Variants in TMEM151B observed in about 807,000 individuals in gnomAD.
TMEM151B encodes transmembrane protein 193.
TMEM151B carries 18 observed loss-of-function variants against 33.0 expected under a neutral mutation model. The observed-to-expected ratio is 0.55, with a 90% confidence interval of 0.38 to 0.81. The LOEUF (loss-of-function observed/expected upper bound fraction) is 0.81. Among genes scored for constraint, TMEM151B ranks in the 30% least tolerant of loss-of-function variants. The pLI is 0.00. For missense variants in TMEM151B, 672 were observed against 843.4 expected (o/e 0.80, Z 2.52); for synonymous variants, 354 against 373.6 (o/e 0.95, Z 0.61).
rs1038407720 is a variant in TMEM151B at position 44,273,509 on chromosome 6, G to A, written c.576+3G>A. 3 of 1,537,132 alleles carry A rather than the reference G, an allele frequency of 2.0e-6. No homozygotes were observed. The highest frequency in any genetic ancestry group is 1.7e-4 in the Middle Eastern group (1 of 5,956). On this transcript the variant is annotated splice_donor_region_variant and intron_variant, in intron 2 of 2. Transcript: ENST00000451188. ...GAGACGCCTATACCACCACCCAGGTGAGGAGCTGGTGGGGAGTGCAGGACA... is the reference window on the plus strand; with the variant it reads ...GAGACGCCTATACCACCACCCAGGTAAGGAGCTGGTGGGGAGTGCAGGACA...
Position 44,275,914 on chromosome 6 carries a change from C to G in TMEM151B, c.1088C>G (p.Pro363Arg). ...ELLPPLTHRL[P>R]RVNTVDSTEL... ...CTGCCCCCGCTCACCCACCGCCTGC[C>G]GCGGGTCAACACAGTAGACAGCACG... Residue 363 changes from proline to arginine, a missense_variant, in exon 3 of 3, where the codon CCG becomes CGG. This residue lies in a region of TMEM151B where 324 missense variants were observed against 363.1 expected (regional missense o/e 0.89). Transcript: ENST00000451188. 1 of 1,527,708 alleles carries G rather than the reference C, an allele frequency of 6.5e-7. No individual in the cohort carries two copies. The highest frequency in any genetic ancestry group is 8.8e-7 in the Non-Finnish European group (1 of 1,136,338). The allele number at this position is 1,527,708 out of a possible 1,614,324, so 94.6% of individuals were successfully genotyped here. A position where few individuals can be genotyped will look rare whatever the true frequency, so the allele number is the denominator to read the frequency against.
At chr6:44,271,368 TGG>T (rs1554142820) in intron 1 of TMEM151B, among the ~76,000 whole-genome samples, 1 of 57,480 alleles carries the variant, frequency 1.7e-5, no homozygotes, top group Non-Finnish European at 3.2e-5. Context: ...TGTGTGTGTG[TGG>T]GGGGGGGTGT....
At chr6:44,275,178 GC>G (rs1782527933) in intron 2 of TMEM151B, among the ~76,000 whole-genome samples, 1 of 152,026 alleles carries the variant, frequency 6.6e-6, no homozygotes, top group Admixed American at 6.5e-5. Context: ...CACAGGTAGG[GC>G]TGGTTCTAGT....
Position 44,275,807 on chromosome 6 carries a change from C to T in TMEM151B, c.981C>T (p.Tyr327=). 1 of 1,543,544 alleles carries T rather than the reference C, an allele frequency of 6.5e-7. No homozygotes were observed. The highest frequency in any genetic ancestry group is 8.7e-7 in the Non-Finnish European group (1 of 1,145,796). Residue 327 remains tyrosine (Y), a synonymous_variant, in exon 3 of 3, where the codon TAC becomes TAT. Transcript: ENST00000451188. The part of the protein sequence containing the change: ...LAEYRTAYAH[Y]HVEKLFGLEG... ...AGTACCGCACGGCCTACGCGCACTA[C>T]CACGTGGAGAAGCTATTTGGCCTGG...
chr6:44,275,668 G>C lies in TMEM151B; in HGVS notation c.842G>C (p.Arg281Pro). Residue 281 changes from arginine (R) to proline (P), a missense_variant, in exon 3 of 3, where the codon CGT (arginine) becomes CCT (proline). Around this residue, in one of 3 missense-constraint regions of TMEM151B, gnomAD observed 285 missense variants for 423.1 expected, o/e 0.67. Transcript: ENST00000451188. ...EGMHLKNVDF[R>P]EFMVAFPDPA... is the part of the protein sequence containing the mutation. The stretch of plus-strand genomic sequence containing the variant: ...ATGCACCTCAAGAACGTGGACTTCC[G>C]TGAGTTCATGGTGGCCTTCCCGGAC... 1 of 1,551,190 alleles carries C rather than the reference G, an allele frequency of 6.4e-7. No homozygotes were observed. Among genetic ancestry groups the C allele is most frequent in the South Asian group, 1.2e-5 (1 of 84,066 alleles).
At position 44,276,368 on chromosome 6, in the gene TMEM151B, G is replaced by C. The variant is rs750690352; in HGVS notation, c.1542G>C (p.Gly514=). The C allele has an allele frequency of 6.6e-7, 1 of 1,512,412 alleles. No individual in the cohort carries two copies. 93.7% of individuals were successfully genotyped at this position (1,512,412 alleles called of 1,614,324 possible). Residue 514 remains glycine, a synonymous_variant, in exon 3 of 3, where the codon GGG becomes GGC. Coordinates refer to ENST00000451188, the MANE Select transcript of TMEM151B (RefSeq NM_001137560.2). ...QTRLSSQASM[G]DDEDDDEEEA... ...GGCTGTCCAGCCAGGCCAGCATGGG[G>C]GACGACGAGGACGACGACGAGGAGG...
chr6:44,273,550 G>T, intron 2 of TMEM151B, 44 bp downstream of exon 2: 1 of 1,497,928 alleles, frequency 6.7e-7, no homozygotes, highest in Non-Finnish European at 9.0e-7. Context: ...CATGGGAGGT[G>T]GCACTTACGT....
Position 44,276,122 on chromosome 6 carries a change from C to A in TMEM151B, c.1296C>A (p.Ser432Arg). Residue 432 changes from serine (S) to arginine (R), a missense_variant, in exon 3 of 3, where the codon AGC becomes AGA. Transcript: ENST00000451188. Reference protein sequence around the residue: ...GAAGVAPYRRSCEHCQRAVSS... With the variant: ...GAAGVAPYRRRCEHCQRAVSS... ...CGGGCGTGGCTCCCTACCGGCGCAG[C>A]TGCGAGCACTGCCAGCGCGCCGTCA... is the stretch of plus-strand genomic sequence containing the variant. 7.6e-7 allele frequency: 1 copy of A among 1,321,282 alleles called. No homozygotes were observed. The highest frequency in any genetic ancestry group is 9.6e-7 in the Non-Finnish European group (1 of 1,044,074). 81.8% of individuals were successfully genotyped at this position (1,321,282 alleles called of 1,614,324 possible).
chr6:44,278,071 T>G lies in TMEM151B; in HGVS notation c.*1544T>G, dbSNP rs904645936. 2 of 154,640 alleles carry G rather than the reference T, an allele frequency of 1.3e-5. No homozygotes were observed. Among genetic ancestry groups the G allele is most frequent in the Non-Finnish European group, 2.9e-5 (2 of 68,858 alleles). The allele number at this position is 154,640 out of a possible 1,614,324, so 9.6% of individuals were successfully genotyped here. ...TCGCCTGAGCCATCAGAACTCCTCCTTACCCTCCTTCAGCCCCTCTCATCT... is the reference window on the plus strand; with the variant it reads ...TCGCCTGAGCCATCAGAACTCCTCCGTACCCTCCTTCAGCCCCTCTCATCT... On this transcript the variant is annotated 3_prime_UTR_variant, in exon 3 of 3. Coordinates refer to ENST00000451188, the MANE Select transcript of TMEM151B (RefSeq NM_001137560.2).
At position 44,270,684 on chromosome 6, in the gene TMEM151B, GCCCCCGGCCCCTGGCAGC is replaced by G; in HGVS notation, c.-51_-34del. 1 of 431,522 alleles carries G rather than the reference GCCCCCGGCCCCTGGCAGC, an allele frequency of 2.3e-6. No homozygotes were observed. The highest frequency in any genetic ancestry group is 3.3e-6 in the Non-Finnish European group (1 of 298,742). 26.7% of individuals were successfully genotyped at this position (431,522 alleles called of 1,614,324 possible). On this transcript the variant is annotated 5_prime_UTR_variant, in exon 1 of 3. Transcript: ENST00000451188. Reference sequence around the variant, plus strand: ...CCTCTCCCCAGGGCCCGCGCAGGATGCCCCCGGCCCCTGGCAGCCCCCCGGGAGGTCCTGAGCTCGACG... The same window carrying G: ...CCTCTCCCCAGGGCCCGCGCAGGATGCCCCCGGGAGGTCCTGAGCTCGACG...
chr6:44,276,556 C>A lies in TMEM151B; in HGVS notation c.*29C>A, dbSNP rs919702366. ...CCGGCCCCGGAGTGGCCCGCGCCGT[C>A]CTCCCGCCTGCCCCTCGCCGGACTG... is the stretch of plus-strand genomic sequence containing the variant. On this transcript the variant is annotated 3_prime_UTR_variant, in exon 3 of 3. Transcript: ENST00000451188. 3.8e-6 allele frequency: 5 copies of A among 1,330,586 alleles called. No individual in the cohort carries two copies. The African/African-American group carries it at 7.6e-5, about 20-fold the overall frequency. The allele number at this position is 1,330,586 out of a possible 1,614,324, so 82.4% of individuals were successfully genotyped here. A position where few individuals can be genotyped will look rare whatever the true frequency, so the allele number is the denominator to read the frequency against.
chr6:44,275,609 G>T lies in TMEM151B; in HGVS notation c.783G>T (p.Glu261Asp). The change falls in exon 3 of 3, where the codon GAG becomes GAT. Residue 261 changes from glutamate to aspartate, a missense_variant. Physicochemically the swap from Glu to Asp is conservative, Grantham distance 45. This residue lies in a region of TMEM151B where 285 missense variants were observed against 423.1 expected (regional missense o/e 0.67). Transcript: ENST00000451188. ...CQRARFFAEN[E>D]GLDDYMEARE... ...GCGCGCGCTTCTTCGCAGAGAACGA[G>T]GGCCTAGACGACTACATGGAGGCAC... The T allele has an allele frequency of 6.4e-7, 1 of 1,551,206 alleles. No individual in the cohort carries two copies. Among genetic ancestry groups the T allele is most frequent in the Non-Finnish European group, 8.7e-7 (1 of 1,146,748 alleles).
intron 2 of TMEM151B, among the ~76,000 whole-genome samples, chr6:44,274,154 G>C (rs747932975): frequency 1.4e-4 from 21 of 152,034 alleles, no homozygotes; most frequent in Admixed American, 7.9e-4. Flanking sequence ...AGTTGAGGCT[G>C]TAGTGAGCTG....
chr6:44,272,760 G>C (rs1782417168), intron 1 of TMEM151B, among the ~76,000 whole-genome samples: 1 of 152,092 alleles, frequency 6.6e-6, no homozygotes, highest in Non-Finnish European at 1.5e-5. Context: ...TGTGTTTGCT[G>C]CCTGGGCCTC....
Position 44,273,502 on chromosome 6 carries a change from C to T in TMEM151B, c.572C>T (p.Thr191Ile), listed in dbSNP as rs1782447362. The T allele has an allele frequency of 6.5e-7, 1 of 1,539,348 alleles. No homozygotes were observed. Among genetic ancestry groups the T allele is most frequent in the Non-Finnish European group, 8.8e-7 (1 of 1,138,036 alleles). The stretch of plus-strand genomic sequence containing the variant: ...CGCAATGGAGACGCCTATACCACCA[C>T]CCAGGTGAGGAGCTGGTGGGGAGTG... ...RYRNGDAYTT[T>I]QVYHERVNTH... Residue 191 changes from threonine (T) to isoleucine (I), a missense_variant, in exon 2 of 3, where the codon ACC becomes ATC. Physicochemically the swap from Thr to Ile is moderately conservative, Grantham distance 89. This residue lies in a region of TMEM151B where 285 missense variants were observed against 423.1 expected (regional missense o/e 0.67). Coordinates refer to ENST00000451188, the MANE Select transcript of TMEM151B (RefSeq NM_001137560.2).
Position 44,276,299 on chromosome 6 carries a change from C to T in TMEM151B, c.1473C>T (p.Arg491=). 1.4e-6 allele frequency: 2 copies of T among 1,430,484 alleles called. No homozygotes were observed. Among genetic ancestry groups the T allele is most frequent in the Non-Finnish European group, 1.8e-6 (2 of 1,091,342 alleles). The allele number at this position is 1,430,484 out of a possible 1,614,324, so 88.6% of individuals were successfully genotyped here. A position where few individuals can be genotyped will look rare whatever the true frequency, so the allele number is the denominator to read the frequency against. Residue 491 remains arginine (R), a synonymous_variant, in exon 3 of 3, where the codon CGC becomes CGT. Coordinates refer to ENST00000451188, the MANE Select transcript of TMEM151B (RefSeq NM_001137560.2). ...GSRRSCLWRS[R]SGSVNEASCP... ...GGCGCAGCTGCCTGTGGCGCAGCCGCAGCGGGAGCGTCAACGAGGCCAGCT... is the reference window on the plus strand; with the variant it reads ...GGCGCAGCTGCCTGTGGCGCAGCCGTAGCGGGAGCGTCAACGAGGCCAGCT...
intron 1 of TMEM151B, among the ~76,000 whole-genome samples, chr6:44,272,122 C>T (rs2153337105): frequency 6.6e-6 from 1 of 152,224 alleles, no homozygotes; most frequent in Non-Finnish European, 1.5e-5. Context: ...TGGGCCAACC[C>T]TGGGACAGAA....
At position 44,276,467 on chromosome 6, in the gene TMEM151B, T is replaced by C; in HGVS notation, c.1641T>C (p.Cys547=). The C allele has an allele frequency of 6.8e-7, 1 of 1,476,670 alleles. No homozygotes were observed. Among genetic ancestry groups the C allele is most frequent in the Non-Finnish European group, 9.0e-7 (1 of 1,114,348 alleles). 91.5% of individuals were successfully genotyped at this position (1,476,670 alleles called of 1,614,324 possible). A position where few individuals can be genotyped will look rare whatever the true frequency, so the allele number is the denominator to read the frequency against. ...PVLIVHRQEG[C]LGHSHRPLHR... ...TCATCGTCCACCGGCAGGAGGGGTGTCTGGGCCACAGCCACCGGCCGCTGC... is the reference window on the plus strand; with the variant it reads ...TCATCGTCCACCGGCAGGAGGGGTGCCTGGGCCACAGCCACCGGCCGCTGC... The change falls in exon 3 of 3, where the codon TGT becomes TGC. Residue 547 remains cysteine, a synonymous_variant. Transcript: ENST00000451188.
At chr6:44,271,880 T>TTGTGTGTGTG (rs58355560) in intron 1 of TMEM151B, among the ~76,000 whole-genome samples, 7 of 148,138 alleles carry the variant, frequency 4.7e-5, no homozygotes, top group South Asian at 2.1e-4. Context: ...CAGCAGGAGG[T>TTGTGTGTGTG]TGTGTGTGTG....
Sources: gnomAD v4.1 joint callset for allele counts (sites outside exome capture counted in the v4.1 genomes callset) on GRCh38, gnomAD v4.1.1 for gene constraint, gnomAD v4.1.1 regional missense constraint, MANE v1.5 for transcripts, NCBI Gene and HGNC (gene_info 2026-07-23, HGNC 2026-07-21) for gene names.